The following FILIP1L variants were observed in gnomAD, a reference collection of about 807,000 sequenced individuals.
The protein encoded by FILIP1L is filamin A-interacting protein 1-like.
Under a neutral mutation model 96.6 loss-of-function variants are expected in FILIP1L, and 55 were observed. That is an observed-to-expected ratio of 0.57 (90% CI 0.46 to 0.71). FILIP1L has a LOEUF of 0.71. Ranked by LOEUF, FILIP1L falls within the 30% of genes least tolerant of loss-of-function variation. The probability of loss-of-function intolerance (pLI) is 0.00; values close to 1 mark genes in which losing one functional copy is unlikely to be tolerated. For missense variants in FILIP1L, 1,304 were observed against 1,321.2 expected, an observed-to-expected ratio of 0.99 and a Z score of 0.20; for synonymous variants, 467 against 473.9, an observed-to-expected ratio of 0.99 and a Z score of 0.19.
chr3:99,935,604 A>G (rs1707638770), intron 1 of FILIP1L, among the ~76,000 whole-genome samples: 1 of 152,132 alleles, frequency 6.6e-6, no homozygotes. Flanking sequence ...GTTTCCTTTG[A>G]CCTCTACCCT....
At chr3:99,873,700 A>G (rs1417353232) in intron 4 of FILIP1L, among the ~76,000 whole-genome samples, 2 of 152,180 alleles carry the variant, frequency 1.3e-5, no homozygotes, top group Non-Finnish European at 2.9e-5. Flanking sequence ...GAACCCTTAA[A>G]CAAAATTTAC....
chr3:99,913,389 G>T (rs547300952), intron 4 of FILIP1L, among the ~76,000 whole-genome samples: 1 of 152,226 alleles, frequency 6.6e-6, no homozygotes, highest in Admixed American at 6.5e-5. Flanking sequence ...TAAAGTTATC[G>T]TAGTGGATAT....
At chr3:99,977,109 A>G (rs534156030) in intron 1 of FILIP1L, among the ~76,000 whole-genome samples, 66 of 152,356 alleles carry the variant, frequency 4.3e-4, no homozygotes, top group African/African-American at 1.5e-3. Flanking sequence ...TCTTTTGGAT[A>G]GAACAGCACG....
At chr3:99,842,478 A>G (rs748623882) in intron 5 of FILIP1L, among the ~76,000 whole-genome samples, 2 of 144,604 alleles carry the variant, frequency 1.4e-5, no homozygotes, top group African/African-American at 5.3e-5. Flanking sequence ...CCAAAAACCT[A>G]TTGAAATAAA....
At chr3:99,906,778 C>T (rs564724625) in intron 4 of FILIP1L, among the ~76,000 whole-genome samples, 2 of 152,244 alleles carry the variant, frequency 1.3e-5, no homozygotes, top group African/African-American at 4.8e-5. Flanking sequence ...TGGATTGGAT[C>T]ATTGAACTAT....
At chr3:99,990,243 G>A (rs1709473816) in intron 1 of FILIP1L, among the ~76,000 whole-genome samples, 1 of 152,056 alleles carries the variant, frequency 6.6e-6, no homozygotes, top group Non-Finnish European at 1.5e-5. Context: ...GGAGAGAGAG[G>A]CAAAGATAGA....
chr3:99,971,426 A>T (rs1378675277), intron 1 of FILIP1L, among the ~76,000 whole-genome samples: 1 of 152,068 alleles, frequency 6.6e-6, no homozygotes, highest in Non-Finnish European at 1.5e-5. Flanking sequence ...AGAGATGAGG[A>T]GTCCTCTTTT....
At position 99,929,900 on chromosome 3, in the gene FILIP1L, A is replaced by T. The variant is rs1341767402; in HGVS notation, c.382T>A (p.Ser128Thr). ...TAGATGTCCTCCTGCCAAGGGGTAG[A>T]TTTCGCTTGAAAAGCATCTCTCTGG... ...ALQRDAFQAK[S>T]TPWQEDIYEK... Residue 128 changes from serine (S) to threonine (T), a missense_variant, in exon 3 of 6, where the codon TCT becomes ACT. By Grantham distance (58) the Ser-to-Thr change is moderately conservative (BLOSUM62 1). Coordinates refer to ENST00000477258, the MANE Select transcript of FILIP1L (RefSeq NM_001387850.1). 6.2e-7 allele frequency: 1 copy of T among 1,613,826 alleles called. No individual in the cohort carries two copies. Among genetic ancestry groups the T allele is most frequent in the Non-Finnish European group, 8.5e-7 (1 of 1,179,956 alleles).
chr3:99,914,629 A>G lies in FILIP1L; in HGVS notation c.605+9601T>C, dbSNP rs535112718. On this transcript the variant is annotated intron_variant, in intron 4 of 5. Transcript: ENST00000477258. ...TCTTCTTCATTGTTAGTAATGGTAT[A>G]AATATCTTTTACAGAAGGCAGTTTA... Among the ~76,000 whole-genome samples, 3 of 152,348 alleles carry G rather than the reference A, an allele frequency of 2.0e-5. No homozygotes were observed. In the East Asian group the frequency reaches 5.8e-4, roughly 29 times the overall value.
chr3:100,034,691 C>A (rs908149245), intron 1 of FILIP1L, among the ~76,000 whole-genome samples: 1 of 152,052 alleles, frequency 6.6e-6, no homozygotes, highest in African/African-American at 2.4e-5. Flanking sequence ...TGATGGGGAA[C>A]CCTCAGAGTT....
chr3:99,995,645 G>C (rs1709656188), intron 1 of FILIP1L, among the ~76,000 whole-genome samples: 1 of 152,240 alleles, frequency 6.6e-6, no homozygotes, highest in Non-Finnish European at 1.5e-5. Context: ...TTCTGCCTGG[G>C]CATCCAGGCG....
chr3:99,962,922 C>T (rs185354651), intron 1 of FILIP1L, among the ~76,000 whole-genome samples: 48 of 152,254 alleles, frequency 3.2e-4, no homozygotes, highest in African/African-American at 1.1e-3. Context: ...TGTTCATGGC[C>T]GAGATAAATA....
intron 4 of FILIP1L, among the ~76,000 whole-genome samples, chr3:99,923,085 C>T (rs1029167699): frequency 6.6e-6 from 1 of 151,992 alleles, no homozygotes; most frequent in Non-Finnish European, 1.5e-5. Context: ...TTCTTCTAAG[C>T]TTCCACCATT....
intron 1 of FILIP1L, among the ~76,000 whole-genome samples, chr3:100,043,593 G>GA (rs1179661045): frequency 4.6e-5 from 7 of 152,156 alleles, no homozygotes; most frequent in Admixed American, 4.6e-4. Flanking sequence ...CCATCCATTT[G>GA]AGTCAGTTAG....
intron 1 of FILIP1L, among the ~76,000 whole-genome samples, chr3:99,971,391 C>T (rs1320057580): frequency 6.6e-6 from 1 of 150,808 alleles, no homozygotes; most frequent in African/African-American, 2.4e-5. Flanking sequence ...GATCACCACA[C>T]AAGGAAAGAA....
chr3:100,039,405 T>C (rs1180135660), intron 1 of FILIP1L, among the ~76,000 whole-genome samples: 1 of 152,190 alleles, frequency 6.6e-6, no homozygotes, highest in Non-Finnish European at 1.5e-5. Flanking sequence ...GTATGTAGTA[T>C]AAAGATTTCA....
chr3:99,964,296 G>T (rs952941366), intron 1 of FILIP1L: 11 of 150,596 alleles, frequency 7.3e-5, no homozygotes, highest in African/African-American at 2.7e-4. Context: ...TAGGGACAGT[G>T]TCTGTGTCTA....
intron 1 of FILIP1L, among the ~76,000 whole-genome samples, chr3:100,058,691 A>G (rs528886400): frequency 6.6e-6 from 1 of 152,206 alleles, no homozygotes; most frequent in African/African-American, 2.4e-5. Flanking sequence ...ACCCAGAAGC[A>G]TCAACAGACA....
chr3:99,899,471 TTAA>T (rs1198124882), intron 4 of FILIP1L, among the ~76,000 whole-genome samples: 4 of 152,244 alleles, frequency 2.6e-5, no homozygotes, highest in Admixed American at 6.5e-5. Context: ...ATGAATTATA[TTAA>T]TGACACAACT....
Sources: allele counts gnomAD v4.1 joint callset (sites outside exome capture counted in the v4.1 genomes callset), GRCh38; gene constraint gnomAD v4.1.1; transcripts MANE v1.5; gene names NCBI Gene and HGNC (gene_info 2026-07-23, HGNC 2026-07-21).